The following FKBP11 variants were observed in gnomAD, a reference collection of about 807,000 sequenced individuals.
FKBP11 encodes the protein peptidyl-prolyl cis-trans isomerase FKBP11.
Under a neutral mutation model 24.7 loss-of-function variants are expected in FKBP11, and 21 were observed. The ratio of observed to expected loss-of-function variants is 0.85; its 90% CI spans 0.60 to 1.23. The LOEUF (loss-of-function observed/expected upper bound fraction) is 1.23, where lower values mean the gene tolerates loss of function less well. Ranked by LOEUF, FKBP11 falls within the 50% of genes most tolerant of loss-of-function variation. The probability of loss-of-function intolerance (pLI) is 0.00; values close to 1 mark genes in which losing one functional copy is unlikely to be tolerated. For missense variants in FKBP11, 245 were observed against 248.7 expected, an observed-to-expected ratio of 0.99 and a Z score of 0.10; for synonymous variants, 106 against 100.6, an observed-to-expected ratio of 1.05 and a Z score of -0.32.
the FKBP11 span, among the ~76,000 whole-genome samples, chr12:48,932,716 T>C: frequency 6.6e-6 from 1 of 152,116 alleles, no homozygotes; most frequent in Non-Finnish European, 1.5e-5. Flanking sequence ...TTAAAAGTCC[T>C]TCTATTCAAT....
At chr12:48,923,556 T>C in intron 5 of FKBP11, 1 of 1,551,654 alleles carries the variant, frequency 6.4e-7, no homozygotes, top group Non-Finnish European at 8.7e-7. Flanking sequence ...AACAAGTTAC[T>C]GGCTGCTGGA....
chr12:48,931,128 TAAAAAAAAAAAAAAAAA>T (rs35482677), upstream of FKBP11, among the ~76,000 whole-genome samples: 52 of 36,210 alleles, frequency 1.4e-3, no homozygotes, highest in African/African-American at 6.1e-3. Context: ...GACTCCAGCT[TAAAAAAAAAAAAAAAAA>T]AAAAAAAAAA....
At chr12:48,938,852 C>T in the FKBP11 span, 1 of 1,500,804 alleles carries the variant, frequency 6.7e-7, no homozygotes. Flanking sequence ...AGGGCCCTGG[C>T]CACACTTGCA....
In FKBP11 at chr12:48,925,408, G is replaced by A; in HGVS notation, c.21C>T (p.Leu7=). Residue 7 remains leucine, a synonymous_variant, in exon 1 of 6, where the codon CTC becomes CTT. Transcript: ENST00000550765. ...GCAGCAGCAGCAGATGGAGCGGGAG[G>A]AGTGAGGGGCGCAGGGTCATGACTG... MTLRPS[L]LPLHLLLLLL... is the part of the protein sequence containing the mutation. 6.3e-7 allele frequency: 1 copy of A among 1,579,590 alleles called. No individual in the cohort carries two copies. Among genetic ancestry groups the A allele is most frequent in the Non-Finnish European group, 8.6e-7 (1 of 1,163,884 alleles).
the FKBP11 span, among the ~76,000 whole-genome samples, chr12:48,932,491 T>C: frequency 0.059 from 8,957 of 151,178 alleles, 369 homozygotes; most frequent in Non-Finnish European, 0.091. Flanking sequence ...CATATATTCA[T>C]CCAAGAATGA....
At chr12:48,932,251 ATATATATATATTTTTTTTTTT>A in the FKBP11 span, among the ~76,000 whole-genome samples, 7 of 39,146 alleles carry the variant, frequency 1.8e-4, no homozygotes, top group East Asian at 5.4e-4. Context: ...ATATATATAT[ATATATATATATTTTTTTTTTT>A]TTTTTTTTTT....
At chr12:48,924,747 A>T in intron 2 of FKBP11, 99 bp from the exon 3 acceptor site, 1 of 1,558,830 alleles carries the variant, frequency 6.4e-7, no homozygotes, top group East Asian at 2.3e-5. Context: ...CAGCCCCCTT[A>T]GTGCGGCAGC....
At chr12:48,924,476 G>T in intron 3 of FKBP11, 85 bp downstream of exon 3, 1 of 1,341,936 alleles carries the variant, frequency 7.5e-7, no homozygotes, top group Non-Finnish European at 1.1e-6. Flanking sequence ...TTTCAGGGGG[G>T]ATTTCCAGGG....
rs1302198160 is a variant in FKBP11, at chr12:48,923,433, G to A, written c.388+349C>T. Reference sequence around the variant, plus strand: ...TGAAAGGAAGGGGTGGGGGGTGGCTGTACAGCTGACACAGCGTAGAGTTGT... The same window carrying A: ...TGAAAGGAAGGGGTGGGGGGTGGCTATACAGCTGACACAGCGTAGAGTTGT... On this transcript the variant is annotated intron_variant, in intron 5 of 5. Transcript: ENST00000550765. The A allele has an allele frequency of 4.6e-6, 7 of 1,531,592 alleles. No homozygotes were observed. In the Admixed American group the frequency reaches 1.4e-4, roughly 30 times the overall value. 94.9% of individuals were successfully genotyped at this position (1,531,592 alleles called of 1,614,324 possible).
At chr12:48,928,692 C>T (rs369785614), upstream of FKBP11, among the ~76,000 whole-genome samples, 7 of 151,900 alleles carry the variant, frequency 4.6e-5, no homozygotes, top group African/African-American at 1.5e-4. Flanking sequence ...TCGGCCAGGC[C>T]GGTGTTGAAC....
upstream of FKBP11, among the ~76,000 whole-genome samples, chr12:48,929,125 C>A (rs764322277): frequency 6.6e-6 from 1 of 151,622 alleles, no homozygotes; most frequent in South Asian, 2.1e-4. Context: ...CCGCGCCCGG[C>A]CTTTAAACTT....
chr12:48,922,279 G>A, intron 5 of FKBP11, 78 bp from the exon 6 acceptor site: 1 of 1,349,864 alleles, frequency 7.4e-7, no homozygotes. Context: ...AAAATAGGGA[G>A]CGTAGGCCAC....
At chr12:48,926,206 A>ATTTATGTT (rs1339082902), upstream of FKBP11, 1 of 139,190 alleles carries the variant, frequency 7.2e-6, no homozygotes, top group African/African-American at 2.6e-5. Flanking sequence ...CACGTAATCC[A>ATTTATGTT]TTTATGTAAA....
upstream of FKBP11, among the ~76,000 whole-genome samples, chr12:48,928,818 C>CT (rs1196484675): frequency 0.014 from 1,345 of 94,234 alleles, 39 homozygotes; most frequent in African/African-American, 0.018. Context: ...AAACTTCTAT[C>CT]TTTTTTTTTT....
At chr12:48,938,943 G>A in the FKBP11 span, 1 of 1,611,770 alleles carries the variant, frequency 6.2e-7, no homozygotes, top group Non-Finnish European at 8.5e-7. Context: ...GGGCTGTCTG[G>A]CTTTCACTTC....
chr12:48,925,717 C>T (rs1045238964), upstream of FKBP11: 3 of 457,472 alleles, frequency 6.6e-6, no homozygotes, highest in Non-Finnish European at 1.2e-5. Flanking sequence ...CACCCATTTA[C>T]GATTACCTAC....
chr12:48,933,143 C>T, the FKBP11 span, among the ~76,000 whole-genome samples: 3 of 152,230 alleles, frequency 2.0e-5, no homozygotes, highest in Non-Finnish European at 4.4e-5. Context: ...CCTTCGGTGG[C>T]TTTGCTCCCT....
At chr12:48,938,976 G>A in the FKBP11 span, 1 of 1,612,674 alleles carries the variant, frequency 6.2e-7, no homozygotes, top group Admixed American at 1.7e-5. Context: ...TGATTGGCCA[G>A]CCAGTCCAGG....
the FKBP11 span, chr12:48,937,450 G>C: frequency 6.6e-6 from 1 of 152,600 alleles, no homozygotes; most frequent in Non-Finnish European, 1.5e-5. Flanking sequence ...CCTGCAGACA[G>C]AGAGACGCAG....
Sources: gnomAD v4.1 joint callset for allele counts (sites outside exome capture counted in the v4.1 genomes callset) on GRCh38, gnomAD v4.1.1 for gene constraint, MANE v1.5 for transcripts, NCBI Gene and HGNC (gene_info 2026-07-23, HGNC 2026-07-21) for gene names.